CDK6: variants seen among roughly 807,000 people sequenced by gnomAD.
CDK6 encodes cyclin dependent kinase 6.
In CDK6, 6 loss-of-function variants were observed where a neutral mutation model predicts 37.1. The observed-to-expected ratio is 0.16, with a 90% CI of 0.09 to 0.32. The LOEUF (loss-of-function observed/expected upper bound fraction) is 0.32, where lower values mean the gene tolerates loss of function less well. Ranked by LOEUF, CDK6 falls within the 10% of genes least tolerant of loss-of-function variation. CDK6 has a pLI of 1.00. For synonymous variants in CDK6, 160 were observed against 161.3 expected (o/e 0.99, Z 0.06); for missense variants, 224 against 418.9 (o/e 0.53, Z 4.06).
intron 3 of CDK6, among the ~76,000 whole-genome samples, chr7:92,756,203 T>A (rs1017299202): frequency 6.6e-6 from 1 of 150,994 alleles, no homozygotes; most frequent in African/African-American, 2.4e-5. Context: ...CTCACCTAAC[T>A]ATGATCTTGT....
At chr7:92,648,806 G>C (rs967815370) in intron 5 of CDK6, among the ~76,000 whole-genome samples, 113 of 152,246 alleles carry the variant, frequency 7.4e-4, no homozygotes, top group African/African-American at 2.5e-3. Flanking sequence ...TACAAAGTGA[G>C]AAATAGACTC....
At chr7:92,645,985 C>T (rs769412747) in intron 5 of CDK6, among the ~76,000 whole-genome samples, 1 of 152,304 alleles carries the variant, frequency 6.6e-6, no homozygotes, top group Middle Eastern at 3.4e-3. Context: ...TGTGCATACA[C>T]GACACTATTT....
chr7:92,803,511 T>C (rs1433718426), intron 2 of CDK6, among the ~76,000 whole-genome samples: 1 of 151,928 alleles, frequency 6.6e-6, no homozygotes, highest in Non-Finnish European at 1.5e-5. Flanking sequence ...ACCAGGCTGG[T>C]TGGAGAGAGC....
chr7:92,704,142 G>A (rs865997298), intron 4 of CDK6, among the ~76,000 whole-genome samples: 5 of 151,952 alleles, frequency 3.3e-5, no homozygotes, highest in Admixed American at 6.6e-5. Context: ...ATAGATTCCC[G>A]GTGTATCGCA....
At chr7:92,705,944 A>C (rs1052161420) in intron 4 of CDK6, among the ~76,000 whole-genome samples, 1 of 152,270 alleles carries the variant, frequency 6.6e-6, no homozygotes, top group Admixed American at 6.5e-5. Flanking sequence ...AAAACAAAAC[A>C]AGACAGTGCA....
At chr7:92,686,976 G>T (rs59387240) in intron 4 of CDK6, among the ~76,000 whole-genome samples, 2,151 of 151,744 alleles carry the variant, frequency 0.014, 44 homozygotes, top group African/African-American at 0.045. Context: ...AATGTTTGTG[G>T]TTTTTTTCTT....
At chr7:92,684,026 A>G (rs1325993453) in intron 4 of CDK6, among the ~76,000 whole-genome samples, 1 of 152,222 alleles carries the variant, frequency 6.6e-6, no homozygotes, top group Non-Finnish European at 1.5e-5. Flanking sequence ...CTACGGAAGG[A>G]GAGAAAGGAA....
chr7:92,726,784 C>T (rs1405956459), intron 3 of CDK6, among the ~76,000 whole-genome samples: 1 of 152,136 alleles, frequency 6.6e-6, no homozygotes, highest in Admixed American at 6.5e-5. Flanking sequence ...TTCAAATCTC[C>T]AATGTATTCC....
rs528628722 is a variant in CDK6, at chr7:92,618,484, A to T, written c.699-277T>A. On this transcript the variant is annotated intron_variant, in intron 6 of 7. Coordinates refer to ENST00000424848, the MANE Select transcript of CDK6 (RefSeq NM_001145306.2). ...AGACACTAAATGTAAGGGATGATGTAGAAATAGAAAATATATTACCAGGCA... is the reference window on the plus strand; with the variant it reads ...AGACACTAAATGTAAGGGATGATGTTGAAATAGAAAATATATTACCAGGCA... Among the ~76,000 whole-genome samples, 3 of 152,350 alleles carry T rather than the reference A, an allele frequency of 2.0e-5. No homozygotes were observed. In the East Asian group the frequency reaches 5.8e-4, roughly 29 times the overall value.
rs571920279 is a variant in CDK6 at position 92,627,341 on chromosome 7, A to C, written c.648-4255T>G. ...ACAGACTGAAGGTCTGTGCCCCTGA[A>C]AATTTCCTGTGTTGAAATCCTAATT... is the stretch of plus-strand genomic sequence containing the variant. On this transcript the variant is annotated intron_variant, in intron 5 of 7. Coordinates refer to ENST00000424848, the MANE Select transcript of CDK6 (RefSeq NM_001145306.2). 2.6e-5 allele frequency among the ~76,000 whole-genome samples: 4 copies of C among 152,218 alleles called. No individual in the cohort carries two copies. The South Asian group carries it at 8.3e-4, about 32-fold the overall frequency.
intron 5 of CDK6, among the ~76,000 whole-genome samples, chr7:92,639,972 G>A (rs932729358): frequency 4.6e-5 from 7 of 152,142 alleles, no homozygotes; most frequent in African/African-American, 1.7e-4. Flanking sequence ...CTCATCTTTT[G>A]AATCCAAGGG....
At chr7:92,629,039 G>A (rs895666182) in intron 5 of CDK6, among the ~76,000 whole-genome samples, 1 of 151,992 alleles carries the variant, frequency 6.6e-6, no homozygotes, top group Non-Finnish European at 1.5e-5. Flanking sequence ...AAGTAAAACC[G>A]GTCCAGAAAG....
Position 92,725,778 on chromosome 7 carries a change from G to A in CDK6, c.385C>T (p.Leu129Phe), listed in dbSNP as rs746945172. The A allele has an allele frequency of 5.0e-6, 8 of 1,612,996 alleles. No homozygotes were observed. Among genetic ancestry groups the A allele is most frequent in the Non-Finnish European group, 6.8e-6 (8 of 1,179,586 alleles). ...TGAAGAAAGTCCAGACCTCGGAGAA[G>A]CTGAAACATCATATCCTAATAAAAT... ...TETIKDMMFQ[L>F]LRGLDFLHSH... Residue 129 changes from leucine (L) to phenylalanine (F), a missense_variant, in exon 4 of 8, where the codon CTT becomes TTT. By Grantham distance (22) the Leu-to-Phe change is conservative. Transcript: ENST00000424848.
chr7:92,762,684 C>T (rs1199914354), intron 3 of CDK6, among the ~76,000 whole-genome samples: 3 of 151,704 alleles, frequency 2.0e-5, no homozygotes, highest in Non-Finnish European at 4.4e-5. Flanking sequence ...TCTCCTGCCT[C>T]GGCCTCCCAA....
intron 4 of CDK6, among the ~76,000 whole-genome samples, chr7:92,684,985 T>C (rs1231423964): frequency 1.3e-5 from 2 of 152,208 alleles, no homozygotes; most frequent in African/African-American, 4.8e-5. Context: ...AGGTCTAATA[T>C]GTAATATGTG....
At chr7:92,692,191 A>T (rs1385606540) in intron 4 of CDK6, among the ~76,000 whole-genome samples, 1 of 152,042 alleles carries the variant, frequency 6.6e-6, no homozygotes, top group Non-Finnish European at 1.5e-5. Flanking sequence ...GCTTGAACCC[A>T]GGAGGCAGAG....
intron 4 of CDK6, among the ~76,000 whole-genome samples, chr7:92,684,085 A>G (rs1036247277): frequency 2.0e-5 from 3 of 152,176 alleles, no homozygotes; most frequent in African/African-American, 7.2e-5. Flanking sequence ...AATTAACTTT[A>G]TCTGTTGTCT....
chr7:92,815,924 C>G (rs1357030952), intron 2 of CDK6, among the ~76,000 whole-genome samples: 1 of 152,048 alleles, frequency 6.6e-6, no homozygotes, highest in African/African-American at 2.4e-5. Flanking sequence ...CCTTACCAGC[C>G]AAAGAAGAGA....
At chr7:92,674,087 C>CTTT (rs35748209) in intron 4 of CDK6, among the ~76,000 whole-genome samples, 2 of 140,524 alleles carry the variant, frequency 1.4e-5, no homozygotes, top group African/African-American at 2.6e-5. Flanking sequence ...CCCCTTTCTT[C>CTTT]TTTTTTTTTT....
Sources: gnomAD v4.1 joint callset for allele counts (sites outside exome capture counted in the v4.1 genomes callset) on GRCh38, gnomAD v4.1.1 for gene constraint, MANE v1.5 for transcripts, NCBI Gene and HGNC (gene_info 2026-07-23, HGNC 2026-07-21) for gene names.